CWC22: variants seen among roughly 807,000 people sequenced by gnomAD.
The protein encoded by CWC22 is CWC22 spliceosome associated protein.
Under a neutral mutation model 117.2 loss-of-function variants are expected in CWC22, and 53 were observed. The observed-to-expected ratio is 0.45, with a 90% confidence interval of 0.36 to 0.57. The LOEUF is 0.57. Among genes scored for constraint, CWC22 ranks in the 20% least tolerant of loss-of-function variants. The pLI is 0.00. For synonymous variants in CWC22, 360 were observed against 355.6 expected (o/e 1.01, Z -0.14); for missense variants, 980 against 1,068.8 (o/e 0.92, Z 1.16).
Position 180,001,549 on chromosome 2 carries a change from CA to C in CWC22, c.-114+5317del, listed in dbSNP as rs1336890324. Reference sequence around the variant, plus strand: ...TTCGCCATGTTGGCCAGGCTGGTCTCAAACTCCTGACCTCAAGTGATCTGCC... The same window carrying C: ...TTCGCCATGTTGGCCAGGCTGGTCTCAACTCCTGACCTCAAGTGATCTGCC... On this transcript the variant is annotated intron_variant, in intron 1 of 19. Transcript: ENST00000410053. 3.3e-5 allele frequency among the ~76,000 whole-genome samples: 5 copies of C among 152,216 alleles called. No individual in the cohort carries two copies. In the East Asian group the frequency reaches 9.7e-4, roughly 29 times the overall value.
In CWC22 at chr2:179,978,183, T is replaced by C. The variant is rs747644889; in HGVS notation, c.581+7A>G. 6 of 1,523,472 alleles carry C rather than the reference T, an allele frequency of 3.9e-6. No homozygotes were observed. The East Asian group carries it at 1.2e-4, about 31-fold the overall frequency. The allele number at this position is 1,523,472 out of a possible 1,614,324, so 94.4% of individuals were successfully genotyped here. A position where few individuals can be genotyped will look rare whatever the true frequency, so the allele number is the denominator to read the frequency against. On this transcript the variant is annotated splice_region_variant and intron_variant, in intron 6 of 19. Transcript: ENST00000410053. The stretch of plus-strand genomic sequence containing the variant: ...GAAATACTACAAATAAAATAGCCAA[T>C]ACTTACCTTCCTCTAACTATATTTT...
chr2:179,950,672 A>C lies in CWC22; in HGVS notation c.1980T>G (p.Asp660Glu), dbSNP rs1575637018. The C allele has an allele frequency of 1.9e-6, 3 of 1,613,592 alleles. No homozygotes were observed. The East Asian group carries it at 6.7e-5, about 36-fold the overall frequency. Residue 660 changes from aspartate to glutamate, a missense_variant, in exon 19 of 20, where the codon GAT (aspartate) becomes GAG (glutamate). Physicochemically the swap from Asp to Glu is conservative, Grantham distance 45. Transcript: ENST00000410053. ...TPKVIVAQKP[D>E]VEQNKSSPSS... ...ATGGGGAGGATTTATTTTGCTCAAC[A>C]TCTGGTTTCTGCGCCACAATGACCT... is the stretch of plus-strand genomic sequence containing the variant.
chr2:179,988,546 C>T, intron 3 of CWC22, 31 bp downstream of exon 3: 1 of 1,131,986 alleles, frequency 8.8e-7, no homozygotes, highest in East Asian at 2.6e-5. Flanking sequence ...TAAAAATTTA[C>T]ATTGCATTCA....
At chr2:179,965,651 T>G (rs1369749564) in intron 12 of CWC22, among the ~76,000 whole-genome samples, 1 of 152,210 alleles carries the variant, frequency 6.6e-6, no homozygotes. Flanking sequence ...TTTGAGCAGT[T>G]TCTCAGTCTT....
intron 1 of CWC22, among the ~76,000 whole-genome samples, chr2:179,997,593 T>G (rs12468986): frequency 0.089 from 13,500 of 152,190 alleles, 712 homozygotes; most frequent in Non-Finnish European, 0.13. Flanking sequence ...TTACTTTTGC[T>G]CAAAGATATT....
intron 19 of CWC22, 33 bp from the exon 20 acceptor site, chr2:179,945,748 T>C (rs2105501348): frequency 8.1e-7 from 1 of 1,238,312 alleles, no homozygotes; most frequent in East Asian, 2.3e-5. Flanking sequence ...AGTTAGCTTT[T>C]ATTTCAATCT....
intron 15 of CWC22, 140 bp from the exon 16 acceptor site, chr2:179,954,497 G>T: frequency 1.8e-6 from 1 of 557,846 alleles, no homozygotes; most frequent in Non-Finnish European, 3.1e-6. Flanking sequence ...ATCCTTTTGT[G>T]CCATATGATG....
intron 1 of CWC22, among the ~76,000 whole-genome samples, chr2:180,003,864 G>A (rs182744778): frequency 1.8e-4 from 28 of 152,328 alleles, no homozygotes; most frequent in African/African-American, 6.7e-4. Context: ...CTGTTCACTA[G>A]GAAAGACTTA....
intron 4 of CWC22, 138 bp downstream of exon 4, chr2:179,986,556 AG>A: frequency 1.9e-6 from 1 of 522,702 alleles, no homozygotes; most frequent in Non-Finnish European, 3.4e-6. Flanking sequence ...ATTCATATAA[AG>A]CCCTTATTAG....
rs1220670879 is a variant in CWC22, at chr2:179,945,707, C to T, written c.2149G>A (p.Val717Ile). 6.4e-7 allele frequency: 1 copy of T among 1,567,936 alleles called. No homozygotes were observed. The highest frequency in any genetic ancestry group is 8.7e-7 in the Non-Finnish European group (1 of 1,156,016). Residue 717 changes from valine (V) to isoleucine (I), a missense_variant, in exon 20 of 20, where the codon GTA becomes ATA. Physicochemically the swap from Val to Ile is conservative, Grantham distance 29. Transcript: ENST00000410053. ...GTCTTCCCATGTCCCTTCTTTCTTA[C>T]ATCATTAGCTGCGTGTGTAAAATAA... ...SSHSSASANDVRKKGHGKTRS... is the reference protein window; with the variant it reads ...SSHSSASANDIRKKGHGKTRS...
At chr2:179,995,418 T>C (rs757604838) in intron 1 of CWC22, among the ~76,000 whole-genome samples, 3 of 152,268 alleles carry the variant, frequency 2.0e-5, no homozygotes, top group South Asian at 2.1e-4. Flanking sequence ...AATAAGCCTA[T>C]GTTATCAAAA....
At chr2:180,004,310 G>C (rs1687917457) in intron 1 of CWC22, among the ~76,000 whole-genome samples, 1 of 152,172 alleles carries the variant, frequency 6.6e-6, no homozygotes. Context: ...GTTGTCTTTT[G>C]GGTGGTCTCA....
chr2:179,972,608 C>A (rs894594927), intron 8 of CWC22, among the ~76,000 whole-genome samples: 8 of 152,242 alleles, frequency 5.3e-5, no homozygotes, highest in African/African-American at 7.2e-5. Context: ...GGGAATGGTT[C>A]TTCAAAGGAA....
chr2:179,945,039 T>A lies in CWC22; in HGVS notation c.*90A>T, dbSNP rs946046045. 3.5e-6 allele frequency: 3 copies of A among 860,898 alleles called. No individual in the cohort carries two copies. In the African/African-American group the frequency reaches 5.1e-5, roughly 15 times the overall value. 53.3% of individuals were successfully genotyped at this position (860,898 alleles called of 1,614,324 possible). A position where few individuals can be genotyped will look rare whatever the true frequency, so the allele number is the denominator to read the frequency against. ...TTTACAAATACAAACCAATACTTTA[T>A]ACAAGAATTCTCTATAAAGTTCGTC... On this transcript the variant is annotated 3_prime_UTR_variant, in exon 20 of 20. Transcript: ENST00000410053.
In CWC22 at chr2:179,970,786, T is replaced by C; in HGVS notation, c.1011A>G (p.Glu337=). The part of the protein sequence containing the change: ...EIDKRVQYMI[E]VMFAVRKDGF... Reference sequence around the variant, plus strand: ...CATCTTTCCGTACAGCAAACATCACTTCAATCATATATTGAACTCTTTTGT... The same window carrying C: ...CATCTTTCCGTACAGCAAACATCACCTCAATCATATATTGAACTCTTTTGT... Residue 337 remains glutamate, a synonymous_variant, in exon 10 of 20, where the codon GAA becomes GAG. Transcript: ENST00000410053. The C allele has an allele frequency of 6.2e-7, 1 of 1,613,782 alleles. No individual in the cohort carries two copies. The highest frequency in any genetic ancestry group is 8.5e-7 in the Non-Finnish European group (1 of 1,179,740).
intron 6 of CWC22, among the ~76,000 whole-genome samples, chr2:179,977,409 A>G (rs770976512): frequency 6.6e-6 from 1 of 152,254 alleles, no homozygotes; most frequent in Non-Finnish European, 1.5e-5. Context: ...AAATCCTGTC[A>G]TTTGGGAAAA....
At chr2:179,973,092 A>T in intron 8 of CWC22, 101 bp downstream of exon 8, 1 of 542,194 alleles carries the variant, frequency 1.8e-6, no homozygotes, top group Non-Finnish European at 3.3e-6. Context: ...TATCCCAAGG[A>T]CTATAAAGCA....
At position 179,945,667 on chromosome 2, in the gene CWC22, A is replaced by G. The variant is rs1398218788; in HGVS notation, c.2189T>C (p.Val730Ala). 1 of 1,609,024 alleles carries G rather than the reference A, an allele frequency of 6.2e-7. No homozygotes were observed. The highest frequency in any genetic ancestry group is 1.1e-5 in the South Asian group (1 of 90,756). Residue 730 changes from valine to alanine, a missense_variant, in exon 20 of 20, where the codon GTA becomes GCA. Transcript: ENST00000410053. ...KGHGKTRSKE[V>A]DKLIRNQQTN... ...TTGCTGGTTTCTGATCAATTTATCT[A>G]CCTCTTTACTTCTGGTCTTCCCATG...
In CWC22 at chr2:179,965,991, T is replaced by C. The variant is rs777444778; in HGVS notation, c.1211-9A>G. On this transcript the variant is annotated splice_polypyrimidine_tract_variant and intron_variant, in intron 11 of 19. Transcript: ENST00000410053. ...TCCCTCATCAAGAATTTCTGTAAAG[T>C]ACAAAGTAAGTTTAGGAAAAAAATG... 9 of 1,601,504 alleles carry C rather than the reference T, an allele frequency of 5.6e-6. No homozygotes were observed. Among genetic ancestry groups the C allele is most frequent in the South Asian group, 1.1e-5 (1 of 88,808 alleles).
Sources: allele counts gnomAD v4.1 joint callset (sites outside exome capture counted in the v4.1 genomes callset), GRCh38; gene constraint gnomAD v4.1.1; transcripts MANE v1.5; gene names NCBI Gene and HGNC (gene_info 2026-07-23, HGNC 2026-07-21).